The following SCN9A variants were observed in gnomAD, a reference collection of about 807,000 sequenced individuals.
SCN9A encodes sodium channel protein type 9 subunit alpha.
SCN9A carries 131 observed loss-of-function variants against 187.0 expected under a neutral mutation model. That is an observed-to-expected ratio of 0.70 (90% CI 0.61 to 0.81). The LOEUF is 0.81. Ranked by LOEUF, SCN9A falls within the 30% of genes least tolerant of loss-of-function variation. SCN9A has a pLI of 0.00. For synonymous variants in SCN9A, 809 were observed against 808.6 expected, an observed-to-expected ratio of 1.00 and a Z score of -0.01; for missense variants, 2,252 against 2,396.6, an observed-to-expected ratio of 0.94 and a Z score of 1.26.
chr2:166,343,799 A>C, intron 1 of SCN9A, among the ~76,000 whole-genome samples: 1 of 92,974 alleles, frequency 1.1e-5, no homozygotes, highest in African/African-American at 6.8e-5. Flanking sequence ...GTGTTTCAAA[A>C]AAAGAAAAGA....
At chr2:166,308,103 C>T (rs1227656008) in intron 2 of SCN9A, among the ~76,000 whole-genome samples, 2 of 152,174 alleles carry the variant, frequency 1.3e-5, no homozygotes, top group African/African-American at 4.8e-5. Flanking sequence ...TTTTCCTGCT[C>T]CCTTTCACTG....
chr2:166,275,221 GC>G (rs1292597194), intron 16 of SCN9A, among the ~76,000 whole-genome samples: 2 of 152,044 alleles, frequency 1.3e-5, no homozygotes, highest in Non-Finnish European at 2.9e-5. Flanking sequence ...GTGATTATTG[GC>G]TTTGATGTGG....
In SCN9A at chr2:166,287,959, CAT is replaced by C. The variant is rs966341421; in HGVS notation, c.1314+476_1314+477del. ...TTGTGTGTATGTGTGTATATATATA[CAT>C]ATATATATTGTATATATATATAAAT... On this transcript the variant is annotated intron_variant, in intron 10 of 26. Coordinates refer to ENST00000642356, the MANE Select transcript of SCN9A (RefSeq NM_001365536.1). Among the ~76,000 whole-genome samples the C allele has an allele frequency of 5.5e-5, 8 of 145,902 alleles. No individual in the cohort carries two copies. In the East Asian group the frequency reaches 5.9e-4, roughly 11 times the overall value.
intron 24 of SCN9A, among the ~76,000 whole-genome samples, chr2:166,210,744 G>T (rs981185640): frequency 6.6e-6 from 1 of 151,970 alleles, no homozygotes; most frequent in Admixed American, 6.6e-5. Flanking sequence ...GAAACTCAAA[G>T]AATCCCAAAT....
intron 1 of SCN9A, among the ~76,000 whole-genome samples, chr2:166,353,913 T>C (rs1482821067): frequency 1.3e-5 from 2 of 152,238 alleles, no homozygotes; most frequent in Non-Finnish European, 2.9e-5. Context: ...TGGCACATCA[T>C]ATAAAATTGT....
intron 1 of SCN9A, among the ~76,000 whole-genome samples, chr2:166,313,668 A>G (rs1699034670): frequency 1.3e-5 from 2 of 152,116 alleles, no homozygotes; most frequent in South Asian, 2.1e-4. Flanking sequence ...TATATTTGCA[A>G]TAAGGCTGTT....
intron 1 of SCN9A, among the ~76,000 whole-genome samples, chr2:166,343,383 A>C (rs6432905): frequency 0.68 from 103,085 of 151,812 alleles, 35,675 homozygotes; most frequent in African/African-American, 0.82. Context: ...ATACTAGATT[A>C]CTTTTCTGGG....
chr2:166,238,180 G>T lies in SCN9A; in HGVS notation c.3715C>A (p.Leu1239Met), dbSNP rs201129559. 3.7e-6 allele frequency: 6 copies of T among 1,607,130 alleles called. No individual in the cohort carries two copies. The African/African-American group carries it at 8.0e-5, about 21-fold the overall frequency. Residue 1239 changes from leucine to methionine, a missense_variant, in exon 20 of 27, where the codon CTG becomes ATG. Transcript: ENST00000642356. ...ADKIFTYIFILEMLLKWIAYG... is the reference protein window; with the variant it reads ...ADKIFTYIFIMEMLLKWIAYG... ...GCTATCCATTTTAGAAGCATTTCCA[G>T]AATGAAGATGTAAGTGAAGATCTTG...
At chr2:166,280,623 G>A in intron 13 of SCN9A, 28 bp from the exon 14 acceptor site, 1 of 1,344,384 alleles carries the variant, frequency 7.4e-7, no homozygotes, top group Non-Finnish European at 1.0e-6. Context: ...AGAACATGGA[G>A]TCAGCCATTT....
intron 24 of SCN9A, among the ~76,000 whole-genome samples, chr2:166,207,958 C>A (rs1417296510): frequency 6.6e-6 from 1 of 152,102 alleles, no homozygotes; most frequent in African/African-American, 2.4e-5. Context: ...GAGAAAACTC[C>A]AACTTTGAAG....
chr2:166,207,664 C>T (rs891821505), intron 24 of SCN9A, among the ~76,000 whole-genome samples: 1 of 152,158 alleles, frequency 6.6e-6, no homozygotes, highest in Non-Finnish European at 1.5e-5. Flanking sequence ...TGGTTTTGAA[C>T]TCCTGGCCTC....
intron 1 of SCN9A, among the ~76,000 whole-genome samples, chr2:166,373,183 G>T (rs994017803): frequency 6.6e-6 from 1 of 152,124 alleles, no homozygotes; most frequent in African/African-American, 2.4e-5. Context: ...AAGAGAATAG[G>T]TTCTGGTGAG....
intron 1 of SCN9A, among the ~76,000 whole-genome samples, chr2:166,325,927 C>T (rs569896484): frequency 2.0e-4 from 31 of 152,184 alleles, no homozygotes; most frequent in South Asian, 1.2e-3. Context: ...CTCCTATGTT[C>T]GATAACATCA....
At chr2:166,330,334 A>C (rs985899352) in intron 1 of SCN9A, among the ~76,000 whole-genome samples, 7 of 152,128 alleles carry the variant, frequency 4.6e-5, no homozygotes, top group Non-Finnish European at 7.3e-5. Flanking sequence ...CTTAGCAACC[A>C]TTATAATGTG....
chr2:166,346,742 C>T (rs191359321), intron 1 of SCN9A, among the ~76,000 whole-genome samples: 1 of 152,172 alleles, frequency 6.6e-6, no homozygotes, highest in Non-Finnish European at 1.5e-5. Flanking sequence ...TATCATTGTT[C>T]TCTCTAAAGC....
intron 1 of SCN9A, among the ~76,000 whole-genome samples, chr2:166,323,986 A>G (rs1699304021): frequency 6.6e-6 from 1 of 150,652 alleles, no homozygotes; most frequent in African/African-American, 2.4e-5. Context: ...AGGAGCAGGA[A>G]AATAGCTACA....
At chr2:166,358,408 C>A (rs908844241) in intron 1 of SCN9A, among the ~76,000 whole-genome samples, 18 of 152,082 alleles carry the variant, frequency 1.2e-4, no homozygotes, top group Admixed American at 3.9e-4. Context: ...TTTGCATTTT[C>A]TTTTGTGAGT....
In SCN9A at chr2:166,315,826, A is replaced by T. The variant is rs148313223; in HGVS notation, c.-50-4020T>A. ...GATGGGGCAGGACCTATGTGTGACT[A>T]CAACTTCTTTCCTCTTCCCTTAGTC... is the stretch of plus-strand genomic sequence containing the variant. On this transcript the variant is annotated intron_variant, in intron 1 of 26. Transcript: ENST00000642356. 8.8e-4 allele frequency among the ~76,000 whole-genome samples: 134 copies of T among 152,328 alleles called. 1 individual carries two copies. The East Asian group carries it at 0.01, about 12-fold the overall frequency.
At chr2:166,234,683 C>T (rs899172724) in intron 20 of SCN9A, among the ~76,000 whole-genome samples, 11 of 152,062 alleles carry the variant, frequency 7.2e-5, no homozygotes, top group Admixed American at 5.9e-4. Flanking sequence ...TTTGCCCAGT[C>T]ATTCACATCC....
Sources: gnomAD v4.1 joint callset for allele counts (sites outside exome capture counted in the v4.1 genomes callset) on GRCh38, gnomAD v4.1.1 for gene constraint, MANE v1.5 for transcripts, NCBI Gene and HGNC (gene_info 2026-07-23, HGNC 2026-07-21) for gene names.